Variants in NPY2R observed in about 807,000 individuals in gnomAD.
NPY2R encodes the protein neuropeptide Y receptor Y2.
A neutral mutation model predicts 22.3 loss-of-function variants in NPY2R; 17 were observed. The ratio of observed to expected loss-of-function variants is 0.76; its 90% confidence interval spans 0.52 to 1.14. The LOEUF (loss-of-function observed/expected upper bound fraction) is 1.14. NPY2R is among the 50% of genes most tolerant of loss of function. The pLI is 0.00. For missense variants in NPY2R, 424 were observed against 467.9 expected, an observed-to-expected ratio of 0.91 and a Z score of 0.87; for synonymous variants, 209 against 183.4, an observed-to-expected ratio of 1.14 and a Z score of -1.13.
rs1157133154 is a variant in NPY2R at position 155,214,272 on chromosome 4, C to T, written c.333C>T (p.Thr111=). The change falls in exon 2 of 2, where the codon ACC becomes ACT. Residue 111 remains threonine, a synonymous_variant. Transcript: ENST00000329476. The stretch of plus-strand genomic sequence containing the variant: ...GTCTACCGTTCACTCTTACCTATAC[C>T]TTAATGGGGGAGTGGAAAATGGGTC... ...TLCLPFTLTY[T]LMGEWKMGPV... is the part of the protein sequence containing the mutation. 2 of 1,613,984 alleles carry T rather than the reference C, an allele frequency of 1.2e-6. No homozygotes were observed. The highest frequency in any genetic ancestry group is 1.7e-5 in the Admixed American group (1 of 60,002).
At position 155,215,141 on chromosome 4, in the gene NPY2R, T is replaced by A; in HGVS notation, c.*56T>A. The A allele has an allele frequency of 6.7e-7, 1 of 1,496,140 alleles. No individual in the cohort carries two copies. Among genetic ancestry groups the A allele is most frequent in the East Asian group, 2.3e-5 (1 of 44,312 alleles). 92.7% of individuals were successfully genotyped at this position (1,496,140 alleles called of 1,614,324 possible). ...ATTCTGACCAGAGCTATGAATCTGG[T>A]TGATGGCGGCTCACAAGTGAAAACT... On this transcript the variant is annotated 3_prime_UTR_variant, in exon 2 of 2. Transcript: ENST00000329476.
At chr4:155,187,434 G>A in the NPY2R span, among the ~76,000 whole-genome samples, 1 of 152,072 alleles carries the variant, frequency 6.6e-6, no homozygotes, top group Admixed American at 6.6e-5. Context: ...TTTTGTATGT[G>A]CAAATGGAAT....
At chr4:155,175,256 G>A in the NPY2R span, among the ~76,000 whole-genome samples, 2 of 152,126 alleles carry the variant, frequency 1.3e-5, no homozygotes, top group East Asian at 1.9e-4. Flanking sequence ...AAGAAATGAT[G>A]CAAGTTCAGT....
In NPY2R at chr4:155,215,681, CA is replaced by C. The variant is rs1337599106; in HGVS notation, c.*597del. 4.1e-5 allele frequency: 7 copies of C among 171,178 alleles called. No homozygotes were observed. Among genetic ancestry groups the C allele is most frequent in the African/African-American group, 4.8e-5 (2 of 41,434 alleles). 10.6% of individuals were successfully genotyped at this position (171,178 alleles called of 1,614,324 possible). On this transcript the variant is annotated 3_prime_UTR_variant, in exon 2 of 2. Transcript: ENST00000329476. ...ATTTGCTATATAATTAATATTTTGGCAGATGATAGGGGAACTCCTCAACACT... is the reference window on the plus strand; with the variant it reads ...ATTTGCTATATAATTAATATTTTGGCGATGATAGGGGAACTCCTCAACACT...
rs768633494 is a variant in NPY2R at position 155,214,563 on chromosome 4, T to C, written c.624T>C (p.Pro208=). 6.2e-7 allele frequency: 1 copy of C among 1,614,222 alleles called. No homozygotes were observed. The highest frequency in any genetic ancestry group is 1.1e-5 in the South Asian group (1 of 91,088). Residue 208 remains proline, a synonymous_variant, in exon 2 of 2, where the codon CCT becomes CCC. Coordinates refer to ENST00000329476, the MANE Select transcript of NPY2R (RefSeq NM_000910.4). ...TTGTGGCCTGTACTGAAAAGTGGCC[T>C]GGCGAGGAGAAGAGCATCTATGGCA... ...FEIVACTEKW[P]GEEKSIYGTV... is the part of the protein sequence containing the mutation.
Position 155,214,852 on chromosome 4 carries a change from C to T in NPY2R, c.913C>T (p.Leu305Phe). ...GGTCCTGGACCTGAAGGAGTACAAA[C>T]TCATCTTCACAGTGTTCCACATCAT... ...SQVLDLKEYKLIFTVFHIIAM... is the reference protein window; with the variant it reads ...SQVLDLKEYKFIFTVFHIIAM... Residue 305 changes from leucine to phenylalanine, a missense_variant, in exon 2 of 2, where the codon CTC becomes TTC. Coordinates refer to ENST00000329476, the MANE Select transcript of NPY2R (RefSeq NM_000910.4). 1 of 1,609,114 alleles carries T rather than the reference C, an allele frequency of 6.2e-7. No individual in the cohort carries two copies. The highest frequency in any genetic ancestry group is 1.1e-5 in the South Asian group (1 of 90,544).
chr4:155,197,271 A>G, the NPY2R span, among the ~76,000 whole-genome samples: 1 of 152,000 alleles, frequency 6.6e-6, no homozygotes, highest in African/African-American at 2.4e-5. Context: ...TGAGTTTAGT[A>G]GTGAGGTCAT....
At chr4:155,194,076 T>A in the NPY2R span, among the ~76,000 whole-genome samples, 102 of 151,420 alleles carry the variant, frequency 6.7e-4, 1 homozygote, top group African/African-American at 2.3e-3. Flanking sequence ...AGTCTCTGAC[T>A]TTTTAAAAAA....
the NPY2R span, among the ~76,000 whole-genome samples, chr4:155,197,380 G>T: frequency 2.0e-5 from 3 of 151,734 alleles, no homozygotes; most frequent in South Asian, 6.2e-4. Flanking sequence ...ATGCTATTGT[G>T]TGACTTCTCT....
the NPY2R span, among the ~76,000 whole-genome samples, chr4:155,194,713 G>A: frequency 6.6e-6 from 1 of 152,084 alleles, no homozygotes; most frequent in East Asian, 1.9e-4. Context: ...ATAAATGCAT[G>A]TGTCTTTTTG....
the NPY2R span, among the ~76,000 whole-genome samples, chr4:155,194,597 G>A: frequency 1.3e-5 from 2 of 151,950 alleles, no homozygotes; most frequent in South Asian, 2.1e-4. Flanking sequence ...TTATGGCTGT[G>A]TAGTATTCCA....
At chr4:155,187,343 C>T in the NPY2R span, among the ~76,000 whole-genome samples, 1 of 152,146 alleles carries the variant, frequency 6.6e-6, no homozygotes, top group African/African-American at 2.4e-5. Context: ...AATAGATCCC[C>T]ATCATCTTGG....
the NPY2R span, among the ~76,000 whole-genome samples, chr4:155,182,134 T>C: frequency 2.0e-5 from 3 of 152,136 alleles, no homozygotes; most frequent in Non-Finnish European, 4.4e-5. Context: ...TTATCAACCA[T>C]CTAAGTTATT....
chr4:155,185,946 A>C, the NPY2R span, among the ~76,000 whole-genome samples: 4 of 152,164 alleles, frequency 2.6e-5, no homozygotes, highest in Admixed American at 1.3e-4. Flanking sequence ...AAGCATATAC[A>C]TCATGTTTAC....
At chr4:155,174,480 A>AT in the NPY2R span, among the ~76,000 whole-genome samples, 209 of 88,700 alleles carry the variant, frequency 2.4e-3, 1 homozygote, top group Admixed American at 2.8e-3. Flanking sequence ...ATATATATAT[A>AT]TATATTTTTT....
chr4:155,194,850 C>T, the NPY2R span, among the ~76,000 whole-genome samples: 357 of 152,010 alleles, frequency 2.3e-3, 1 homozygote, highest in African/African-American at 8.3e-3. Flanking sequence ...ACATTTCCAC[C>T]AACAGTATAT....
chr4:155,206,107 C>T (rs1729278930), upstream of NPY2R, among the ~76,000 whole-genome samples: 1 of 152,138 alleles, frequency 6.6e-6, no homozygotes, highest in Non-Finnish European at 1.5e-5. Context: ...CCACTCTCTC[C>T]TACAACCTAG....
intron 1 of NPY2R, among the ~76,000 whole-genome samples, chr4:155,213,395 G>T (rs968794255): frequency 4.6e-5 from 7 of 152,238 alleles, no homozygotes; most frequent in African/African-American, 1.7e-4. Context: ...TAGTCCCAAG[G>T]TTCAGGCACC....
chr4:155,200,751 G>A, the NPY2R span, among the ~76,000 whole-genome samples: 1 of 152,124 alleles, frequency 6.6e-6, no homozygotes, highest in Non-Finnish European at 1.5e-5. Context: ...ACTAATGCAG[G>A]AACAGAAAAT....
Sources: gnomAD v4.1 joint callset for allele counts (sites outside exome capture counted in the v4.1 genomes callset) on GRCh38, gnomAD v4.1.1 for gene constraint, MANE v1.5 for transcripts, NCBI Gene and HGNC (gene_info 2026-07-23, HGNC 2026-07-21) for gene names.